Variants in KCNIP4 observed in about 807,000 individuals in gnomAD.
KCNIP4 encodes potassium voltage-gated channel interacting protein 4.
KCNIP4 carries 12 observed loss-of-function variants against 34.0 expected under a neutral mutation model. The ratio of observed to expected loss-of-function variants is 0.35; its 90% CI spans 0.23 to 0.57. KCNIP4 has a LOEUF of 0.57. Among genes scored for constraint, KCNIP4 ranks in the 20% least tolerant of loss-of-function variants. The probability of loss-of-function intolerance (pLI) is 0.83; values close to 1 mark genes in which losing one functional copy is unlikely to be tolerated. For synonymous variants in KCNIP4, 124 were observed against 102.2 expected, an observed-to-expected ratio of 1.21 and a Z score of -1.29; for missense variants, 238 against 311.7, an observed-to-expected ratio of 0.76 and a Z score of 1.78.
At chr4:21,335,567 G>T (rs1041910549) in intron 1 of KCNIP4, among the ~76,000 whole-genome samples, 1 of 152,116 alleles carries the variant, frequency 6.6e-6, no homozygotes, top group African/African-American at 2.4e-5. Context: ...TTTTGCTAAG[G>T]CAGTTATTTT....
intron 1 of KCNIP4, among the ~76,000 whole-genome samples, chr4:21,751,493 T>C (rs1717148997): frequency 6.6e-6 from 1 of 152,180 alleles, no homozygotes; most frequent in Admixed American, 6.6e-5. Flanking sequence ...AAATATGACC[T>C]CCTCAAATAA....
chr4:21,362,850 C>T (rs576516683), intron 1 of KCNIP4, among the ~76,000 whole-genome samples: 2 of 152,258 alleles, frequency 1.3e-5, no homozygotes, highest in East Asian at 3.9e-4. Context: ...ATGCATCCTT[C>T]CTGTCTACAG....
At chr4:20,748,790 T>C (rs1015079523) in intron 5 of KCNIP4, among the ~76,000 whole-genome samples, 1 of 150,028 alleles carries the variant, frequency 6.7e-6, no homozygotes, top group African/African-American at 2.4e-5. Flanking sequence ...AGAGTTCATG[T>C]TGGGTTTATT....
intron 1 of KCNIP4, among the ~76,000 whole-genome samples, chr4:21,147,627 T>G (rs1362630743): frequency 6.6e-6 from 1 of 152,122 alleles, no homozygotes; most frequent in Non-Finnish European, 1.5e-5. Context: ...TGATGTTATA[T>G]TCCAGGCCAT....
intron 1 of KCNIP4, among the ~76,000 whole-genome samples, chr4:21,417,397 T>A (rs1725049446): frequency 6.6e-6 from 1 of 151,326 alleles, no homozygotes; most frequent in Admixed American, 6.6e-5. Flanking sequence ...AAAAATAAAA[T>A]AAAAAATAAA....
intron 1 of KCNIP4, among the ~76,000 whole-genome samples, chr4:21,279,827 T>A (rs2109163072): frequency 6.6e-6 from 1 of 152,272 alleles, no homozygotes; most frequent in South Asian, 2.1e-4. Flanking sequence ...CCACTCATTA[T>A]TTCAAAAATT....
chr4:20,822,728 G>C (rs1328149175), intron 3 of KCNIP4, among the ~76,000 whole-genome samples: 2 of 152,140 alleles, frequency 1.3e-5, no homozygotes, highest in Non-Finnish European at 2.9e-5. Flanking sequence ...TTTTCACGGG[G>C]CCAGGGGTGG....
chr4:21,172,648 C>A (rs941234350), intron 1 of KCNIP4, among the ~76,000 whole-genome samples: 4 of 152,102 alleles, frequency 2.6e-5, no homozygotes, highest in Non-Finnish European at 5.9e-5. Context: ...TTAGGGATCT[C>A]CCAATTTATT....
chr4:21,510,583 A>C (rs1425286773), intron 1 of KCNIP4, among the ~76,000 whole-genome samples: 1 of 152,142 alleles, frequency 6.6e-6, no homozygotes, highest in African/African-American at 2.4e-5. Context: ...GTTTTATCCA[A>C]ATTCTGCCAT....
intron 1 of KCNIP4, among the ~76,000 whole-genome samples, chr4:21,825,075 T>C (rs989046135): frequency 1.6e-4 from 25 of 152,262 alleles, no homozygotes; most frequent in African/African-American, 5.3e-4. Flanking sequence ...TTTGGTAGTG[T>C]TCAAGCTTTA....
chr4:21,295,411 C>G (rs957811220), intron 1 of KCNIP4, among the ~76,000 whole-genome samples: 2 of 151,970 alleles, frequency 1.3e-5, no homozygotes, highest in Non-Finnish European at 2.9e-5. Flanking sequence ...CTATTTGAAC[C>G]CTTCAATGGC....
intron 1 of KCNIP4, among the ~76,000 whole-genome samples, chr4:21,369,994 A>C (rs1187792672): frequency 6.8e-6 from 1 of 146,088 alleles, no homozygotes; most frequent in Non-Finnish European, 1.5e-5. Flanking sequence ...TGCCTGGCTA[A>C]TTTTTTGTAT....
At chr4:21,575,089 C>A (rs886249800) in intron 1 of KCNIP4, among the ~76,000 whole-genome samples, 2 of 152,270 alleles carry the variant, frequency 1.3e-5, no homozygotes, top group Non-Finnish European at 1.5e-5. Context: ...TACAATACTG[C>A]ATAACTTGTA....
rs1469890118 is a variant in KCNIP4 at position 21,893,016 on chromosome 4, C to T, written c.61+55555G>A. 5.3e-5 allele frequency among the ~76,000 whole-genome samples: 8 copies of T among 152,252 alleles called. No individual in the cohort carries two copies. In the South Asian group the frequency reaches 8.3e-4, roughly 16 times the overall value. On this transcript the variant is annotated intron_variant, in intron 1 of 8. Coordinates refer to ENST00000382152, the MANE Select transcript of KCNIP4 (RefSeq NM_025221.6). ...GGTTTTGTTTCTGAGATCTGAATAACTCATCTACATTTTGCCAATCACAAG... is the reference window on the plus strand; with the variant it reads ...GGTTTTGTTTCTGAGATCTGAATAATTCATCTACATTTTGCCAATCACAAG...
intron 1 of KCNIP4, among the ~76,000 whole-genome samples, chr4:21,900,737 T>A (rs1258260861): frequency 6.6e-6 from 1 of 152,214 alleles, no homozygotes; most frequent in African/African-American, 2.4e-5. Flanking sequence ...ATGCTAGCAA[T>A]AATCTATACC....
chr4:21,045,969 G>C (rs887420373), intron 1 of KCNIP4, among the ~76,000 whole-genome samples: 2 of 152,118 alleles, frequency 1.3e-5, no homozygotes, highest in Non-Finnish European at 2.9e-5. Flanking sequence ...ACTGTGAAAT[G>C]GTAGGTATTT....
At chr4:21,134,728 C>A (rs747053805) in intron 1 of KCNIP4, among the ~76,000 whole-genome samples, 1 of 152,196 alleles carries the variant, frequency 6.6e-6, no homozygotes, top group Non-Finnish European at 1.5e-5. Flanking sequence ...AAATATACAT[C>A]CCCCAAGCTT....
chr4:20,978,299 C>T (rs935845991), intron 1 of KCNIP4, among the ~76,000 whole-genome samples: 17 of 152,104 alleles, frequency 1.1e-4, no homozygotes, highest in African/African-American at 4.1e-4. Flanking sequence ...AGTTTTTAGG[C>T]TACTATGGAA....
intron 1 of KCNIP4, among the ~76,000 whole-genome samples, chr4:21,234,770 C>T (rs1270565107): frequency 6.6e-6 from 1 of 151,404 alleles, no homozygotes; most frequent in Admixed American, 6.6e-5. Flanking sequence ...GCCTCAGCCT[C>T]CTGAGTAGCT....
Sources: gnomAD v4.1 joint callset for allele counts (sites outside exome capture counted in the v4.1 genomes callset) on GRCh38, gnomAD v4.1.1 for gene constraint, MANE v1.5 for transcripts, NCBI Gene and HGNC (gene_info 2026-07-23, HGNC 2026-07-21) for gene names.